Variants in WIPI2 observed in about 807,000 individuals in gnomAD.
The protein encoded by WIPI2 is WD repeat domain, phosphoinositide interacting 2, also known as WD repeat domain phosphoinositide-interacting protein 2.
Under a neutral mutation model 52.3 loss-of-function variants are expected in WIPI2, and 28 were observed. The ratio of observed to expected loss-of-function variants is 0.54; its 90% confidence interval spans 0.40 to 0.73. The LOEUF (loss-of-function observed/expected upper bound fraction) is 0.73, where lower values mean the gene tolerates loss of function less well. WIPI2 is among the 30% of genes least tolerant of loss of function. The pLI is 0.00. For missense variants in WIPI2, 506 were observed against 602.9 expected (o/e 0.84, Z 1.68); for synonymous variants, 268 against 245.0 (o/e 1.09, Z -0.88).
At chr7:5,201,072 C>T (rs1782004982) in intron 3 of WIPI2, among the ~76,000 whole-genome samples, 1 of 152,218 alleles carries the variant, frequency 6.6e-6, no homozygotes, top group Non-Finnish European at 1.5e-5. Context: ...GGCTGTTTAT[C>T]CCAGGCGCCG....
intron 3 of WIPI2, among the ~76,000 whole-genome samples, chr7:5,205,820 C>G (rs998345710): frequency 6.6e-6 from 1 of 151,328 alleles, no homozygotes; most frequent in African/African-American, 2.4e-5. Context: ...ATTTACAATT[C>G]TTACATCAAC....
intron 2 of WIPI2, among the ~76,000 whole-genome samples, chr7:5,195,254 AGGTGGGAGG>A (rs1234104463): frequency 6.6e-6 from 1 of 152,130 alleles, no homozygotes; most frequent in Non-Finnish European, 1.5e-5. Flanking sequence ...TGCAAGGCCA[AGGTGGGAGG>A]ATCCCTTGAG....
At position 5,214,652 on chromosome 7, in the gene WIPI2, T is replaced by C. The variant is rs1476628757; in HGVS notation, c.329T>C (p.Ile110Thr). Residue 110 changes from isoleucine (I) to threonine (T), a missense_variant, in exon 4 of 13, where the codon ATC (isoleucine) becomes ACC (threonine). Transcript: ENST00000288828. Reference protein sequence around the residue: ...KVCHFKKGTEICNYSYSNTIL... With the variant: ...KVCHFKKGTETCNYSYSNTIL... The stretch of plus-strand genomic sequence containing the variant: ...TGCCACTTTAAGAAGGGAACTGAGA[T>C]CTGCAACTACAGCTACTCCAACACG... 1 of 1,614,232 alleles carries C rather than the reference T, an allele frequency of 6.2e-7. No homozygotes were observed. The highest frequency in any genetic ancestry group is 1.7e-5 in the Admixed American group (1 of 60,018).
At chr7:5,206,328 G>A (rs1461514642) in intron 3 of WIPI2, among the ~76,000 whole-genome samples, 1 of 152,194 alleles carries the variant, frequency 6.6e-6, no homozygotes, top group East Asian at 1.9e-4. Flanking sequence ...GTCAGAAGGA[G>A]CTTCTCTTCC....
At chr7:5,222,191 T>C (rs1783176459) in intron 7 of WIPI2, among the ~76,000 whole-genome samples, 1 of 152,134 alleles carries the variant, frequency 6.6e-6, no homozygotes. Context: ...TCTGATGATC[T>C]GCCCGCCTCG....
intron 1 of WIPI2, chr7:5,190,745 C>G: frequency 2.8e-6 from 1 of 351,684 alleles, no homozygotes; most frequent in Non-Finnish European, 5.1e-6. Flanking sequence ...CTTTCACCCT[C>G]TTGCGGGGAG....
intron 2 of WIPI2, among the ~76,000 whole-genome samples, chr7:5,198,440 A>G (rs1051512827): frequency 6.6e-6 from 1 of 152,008 alleles, no homozygotes; most frequent in Non-Finnish European, 1.5e-5. Flanking sequence ...CAGCCTCCCA[A>G]GTAGCTGGGA....
intron 2 of WIPI2, among the ~76,000 whole-genome samples, chr7:5,196,909 C>A (rs1022668533): frequency 1.3e-5 from 2 of 151,718 alleles, no homozygotes; most frequent in African/African-American, 4.8e-5. Context: ...GTCAGGAGTT[C>A]AAGACCAGCC....
intron 3 of WIPI2, among the ~76,000 whole-genome samples, chr7:5,202,150 G>A (rs1782056127): frequency 6.6e-6 from 1 of 152,132 alleles, no homozygotes; most frequent in Admixed American, 6.5e-5. Context: ...GATCTTTGCT[G>A]TCACTCACTG....
rs1242059860 is a variant in WIPI2 at position 5,227,030 on chromosome 7, G to C, written c.849-150G>C. On this transcript the variant is annotated intron_variant, in intron 9 of 12. Transcript: ENST00000288828. This position sits in a 1 kb window ranked among gnomAD's most constrained non-coding sequence, Gnocchi z 8.1. ...CTCCGTGATGCCCCTGGGGCCCTGAGTGTCTGCTTATAACCAACCCTGTTT... is the reference window on the plus strand; with the variant it reads ...CTCCGTGATGCCCCTGGGGCCCTGACTGTCTGCTTATAACCAACCCTGTTT... 1 of 1,076,352 alleles carries C rather than the reference G, an allele frequency of 9.3e-7. No individual in the cohort carries two copies. Among genetic ancestry groups the C allele is most frequent in the Non-Finnish European group, 1.3e-6 (1 of 751,168 alleles). 66.7% of individuals were successfully genotyped at this position (1,076,352 alleles called of 1,614,324 possible).
intron 3 of WIPI2, among the ~76,000 whole-genome samples, chr7:5,204,678 C>CACT (rs371011828): frequency 4.6e-5 from 7 of 151,746 alleles, no homozygotes; most frequent in Admixed American, 3.3e-4. Flanking sequence ...TGGCTGTTAC[C>CACT]ACTACTACTA....
At chr7:5,202,407 A>G (rs1257961700) in intron 3 of WIPI2, among the ~76,000 whole-genome samples, 1 of 152,170 alleles carries the variant, frequency 6.6e-6, no homozygotes, top group Non-Finnish European at 1.5e-5. Context: ...ATATGGGGAC[A>G]GAGTCTCGCT....
At chr7:5,209,878 ACTT>A (rs1411916674) in intron 3 of WIPI2, among the ~76,000 whole-genome samples, 2 of 151,376 alleles carry the variant, frequency 1.3e-5, no homozygotes, top group African/African-American at 4.9e-5. Flanking sequence ...CCATATTTCT[ACTT>A]CTCCAGAACA....
intron 2 of WIPI2, 93 bp downstream of exon 2, chr7:5,193,264 A>C: frequency 6.4e-7 from 1 of 1,573,028 alleles, no homozygotes; most frequent in South Asian, 1.2e-5. Flanking sequence ...GAACCAGTTA[A>C]TAAGTGGGAG....
chr7:5,211,869 C>T (rs762548194), intron 3 of WIPI2, among the ~76,000 whole-genome samples: 1 of 152,110 alleles, frequency 6.6e-6, no homozygotes, highest in Non-Finnish European at 1.5e-5. Flanking sequence ...CCTGCAGGGT[C>T]GCCGTGGCAC....
rs1689787599 is a variant in WIPI2 at position 5,232,085 on chromosome 7, A to G, written c.*1138A>G. On this transcript the variant is annotated 3_prime_UTR_variant, in exon 13 of 13. Transcript: ENST00000288828. ...CAACCTCAAGTACCTCAGACTCTGCATTCCAAACCAAGGCACCCAGCAGCC... is the reference window on the plus strand; with the variant it reads ...CAACCTCAAGTACCTCAGACTCTGCGTTCCAAACCAAGGCACCCAGCAGCC... 2.5e-6 allele frequency: 1 copy of G among 398,648 alleles called. No homozygotes were observed. Among genetic ancestry groups the G allele is most frequent in the African/African-American group, 2.1e-5 (1 of 48,768 alleles). 24.7% of individuals were successfully genotyped at this position (398,648 alleles called of 1,614,324 possible). A position where few individuals can be genotyped will look rare whatever the true frequency, so the allele number is the denominator to read the frequency against.
chr7:5,229,602 C>T lies in WIPI2; in HGVS notation c.1122-6C>T, dbSNP rs113814902. On this transcript the variant is annotated splice_polypyrimidine_tract_variant and splice_region_variant and intron_variant, in intron 11 of 12. Coordinates refer to ENST00000288828, the MANE Select transcript of WIPI2 (RefSeq NM_015610.4). Reference sequence around the variant, plus strand: ...ACGCTGAGCTGTGTCGCTTTCTTCCCTCCAGGCTGGACGGCAGTCTGGAAA... The same window carrying T: ...ACGCTGAGCTGTGTCGCTTTCTTCCTTCCAGGCTGGACGGCAGTCTGGAAA... 8 of 1,612,178 alleles carry T rather than the reference C, an allele frequency of 5.0e-6. No homozygotes were observed. The highest frequency in any genetic ancestry group is 1.7e-4 in the Middle Eastern group (1 of 6,056).
intron 3 of WIPI2, among the ~76,000 whole-genome samples, chr7:5,200,220 T>C (rs2115220266): frequency 6.6e-6 from 1 of 152,328 alleles, no homozygotes; most frequent in East Asian, 1.9e-4. Context: ...TGCAGGTCTG[T>C]AAGATTATTG....
At chr7:5,228,254 CG>C (rs932481410) in intron 11 of WIPI2, 43 bp downstream of exon 11, 1 of 1,535,944 alleles carries the variant, frequency 6.5e-7, no homozygotes, top group Non-Finnish European at 8.8e-7. Flanking sequence ...TCCGTGCTGG[CG>C]GGGGGCTTTC....
Sources: gnomAD v4.1 joint callset for allele counts (sites outside exome capture counted in the v4.1 genomes callset) on GRCh38, gnomAD v4.1.1 for gene constraint, Gnocchi (gnomAD v3.1) non-coding constraint, MANE v1.5 for transcripts, NCBI Gene and HGNC (gene_info 2026-07-23, HGNC 2026-07-21) for gene names.